The following ATP4B variants were observed in gnomAD, a reference collection of about 807,000 sequenced individuals.
The protein encoded by ATP4B is potassium-transporting ATPase subunit beta.
In ATP4B, 27 loss-of-function variants were observed where a neutral mutation model predicts 35.3. The observed-to-expected ratio is 0.76, with a 90% CI of 0.56 to 1.05. The LOEUF is 1.05. ATP4B is among the 50% of genes least tolerant of loss of function. The pLI is 0.00. For synonymous variants in ATP4B, 162 were observed against 156.0 expected (o/e 1.04, Z -0.29); for missense variants, 375 against 384.8 (o/e 0.97, Z 0.21).
In ATP4B at chr13:113,653,399, C is replaced by G; in HGVS notation, c.277G>C (p.Gly93Arg). Reference protein sequence around the residue: ...TLRPDVYGEKGLEIVYNVSDN... With the variant: ...TLRPDVYGEKRLEIVYNVSDN... ...GAGACGTTGTAGACAATTTCCAGGC[C>G]TTTCTCCCCGTAAACATCCGGCCTT... The change falls in exon 3 of 7, where the codon GGC (glycine) becomes CGC (arginine). Residue 93 changes from glycine (G) to arginine (R), a missense_variant. Gly to Arg is a moderately radical substitution (Grantham distance 125). Transcript: ENST00000335288. The G allele has an allele frequency of 1.2e-6, 2 of 1,614,228 alleles. No individual in the cohort carries two copies. The highest frequency in any genetic ancestry group is 2.2e-5 in the South Asian group (2 of 91,090).
rs1468144593 is a variant in ATP4B at position 113,658,044 on chromosome 13, AG to A, written c.100del (p.Leu34CysfsTer17). The A allele has an allele frequency of 6.2e-7, 1 of 1,603,056 alleles. No homozygotes were observed. On this transcript the variant is annotated frameshift_variant, in exon 1 of 7. Coordinates refer to ENST00000335288, the MANE Select transcript of ATP4B (RefSeq NM_000705.4). LOFTEE classifies it high-confidence loss of function. ...CCCCCCGCACGTACCCCACCGGGAC[AG>A]GGTGCGGCCCAGCATCTGCCCCGTG... Reference protein sequence around the residue: ...PDTGQMLGRTLSRWVWISLYY... With the variant: ...PDTGQMLGRTXSRWVWISLYY...
At position 113,650,507 on chromosome 13, in the gene ATP4B, C is replaced by A; in HGVS notation, c.613G>T (p.Asp205Tyr). ...SAPRVDCAFL[D>Y]QPRELGQPLQ... ...GGCTGGCCGAGCTCGCGGGGCTGGT[C>A]CTGGGGAGGAGAGGCCACTGCCTGA... Residue 205 changes from aspartate to tyrosine, a missense_variant and splice_region_variant, in exon 6 of 7, where the codon GAC (aspartate) becomes TAC (tyrosine). Asp to Tyr is a radical substitution (Grantham distance 160). Transcript: ENST00000335288. The surrounding 1 kb of genome is among the most constrained non-coding windows in gnomAD (Gnocchi z 5.0). 1.2e-6 allele frequency: 2 copies of A among 1,610,006 alleles called. No homozygotes were observed. Among genetic ancestry groups the A allele is most frequent in the South Asian group, 2.2e-5 (2 of 90,430 alleles).
Position 113,651,645 on chromosome 13 carries a change from C to T in ATP4B, c.612+26G>A, listed in dbSNP as rs756442964. On this transcript the variant is annotated intron_variant, in intron 5 of 6. Coordinates refer to ENST00000335288, the MANE Select transcript of ATP4B (RefSeq NM_000705.4). ...TGACAAGCTCCTTTCCTGGGGCAGC[C>T]CTGCCCGCCGCGCGGCCGTACTCAC... is the stretch of plus-strand genomic sequence containing the variant. 4 of 1,585,616 alleles carry T rather than the reference C, an allele frequency of 2.5e-6. No homozygotes were observed. The African/African-American group carries it at 4.0e-5, about 16-fold the overall frequency.
At chr13:113,655,009 T>C in intron 1 of ATP4B, 67 bp from the exon 2 acceptor site, 1 of 1,594,256 alleles carries the variant, frequency 6.3e-7, no homozygotes, top group Non-Finnish European at 8.6e-7. Flanking sequence ...TCGGTGGCCT[T>C]GAGCGCGTCC....
intron 1 of ATP4B, 68 bp from the exon 2 acceptor site, chr13:113,655,010 G>A (rs1409880161): frequency 1.3e-6 from 2 of 1,590,502 alleles, no homozygotes; most frequent in African/African-American, 2.7e-5. Context: ...CGGTGGCCTT[G>A]AGCGCGTCCG....
chr13:113,654,146 GGTCCC>G (rs1231534337), intron 2 of ATP4B, among the ~76,000 whole-genome samples: 4 of 152,292 alleles, frequency 2.6e-5, no homozygotes, highest in Non-Finnish European at 4.4e-5. Flanking sequence ...TTGCTTAGTT[GGTCCC>G]CTATGGATGC....
At chr13:113,652,250 G>A (rs972206934) in intron 4 of ATP4B, among the ~76,000 whole-genome samples, 5 of 152,228 alleles carry the variant, frequency 3.3e-5, no homozygotes, top group Non-Finnish European at 7.3e-5. Flanking sequence ...TGGGACCCCC[G>A]TCACAGCCCC....
In ATP4B at chr13:113,650,008, C is replaced by T. The variant is rs540202813; in HGVS notation, c.714+398G>A. 3.3e-5 allele frequency among the ~76,000 whole-genome samples: 5 copies of T among 152,046 alleles called. No individual in the cohort carries two copies. The highest frequency in any genetic ancestry group is 3.4e-3 in the Middle Eastern group (1 of 294). On this transcript the variant is annotated intron_variant, in intron 6 of 6. Coordinates refer to ENST00000335288, the MANE Select transcript of ATP4B (RefSeq NM_000705.4). This position sits in a 1 kb window ranked among gnomAD's most constrained non-coding sequence, Gnocchi z 5.0. The stretch of plus-strand genomic sequence containing the variant: ...TGAGACCCTTTCTCTATAAAAAATA[C>T]GAAAATTAGCTGGGCATGTTGGTGT...
intron 2 of ATP4B, 103 bp from the exon 3 acceptor site, chr13:113,653,537 C>G: frequency 1.1e-6 from 1 of 928,598 alleles, no homozygotes; most frequent in Non-Finnish European, 1.7e-6. Context: ...TGGCCCAACC[C>G]AGGAGCCTCC....
chr13:113,657,938 G>A lies in ATP4B; in HGVS notation c.112+95C>T, dbSNP rs899488939. 7.0e-5 allele frequency: 72 copies of A among 1,032,664 alleles called. 2 individuals carry two copies. The South Asian group carries it at 1.0e-3, about 15-fold the overall frequency. The allele number at this position is 1,032,664 out of a possible 1,614,324, so 64.0% of individuals were successfully genotyped here. A position where few individuals can be genotyped will look rare whatever the true frequency, so the allele number is the denominator to read the frequency against. On this transcript the variant is annotated intron_variant, in intron 1 of 6. Coordinates refer to ENST00000335288, the MANE Select transcript of ATP4B (RefSeq NM_000705.4). ...GGCAGCATCGGGGTCTCACTGTCAG[G>A]GGCCCTCTGCTCCCCTCCTCCTGAG... is the stretch of plus-strand genomic sequence containing the variant.
In ATP4B at chr13:113,649,053, G is replaced by A. The variant is rs577646030; in HGVS notation, c.*321C>T. 4 of 188,928 alleles carry A rather than the reference G, an allele frequency of 2.1e-5. No individual in the cohort carries two copies. Among genetic ancestry groups the A allele is most frequent in the African/African-American group, 9.4e-5 (4 of 42,386 alleles). 11.7% of individuals were successfully genotyped at this position (188,928 alleles called of 1,614,324 possible). ...TAGAAAAATAAATTATAGTAAGAAA[G>A]TGATGTCTACATAGAAGACGAATCG... On this transcript the variant is annotated 3_prime_UTR_variant, in exon 7 of 7. Coordinates refer to ENST00000335288, the MANE Select transcript of ATP4B (RefSeq NM_000705.4). This position sits in a 1 kb window ranked among gnomAD's most constrained non-coding sequence, Gnocchi z 4.7.
At chr13:113,653,218 T>TGCTTCACACCTCACCCACCCGCC (rs749093021) in intron 3 of ATP4B, 103 bp downstream of exon 3, 50 of 1,365,880 alleles carry the variant, frequency 3.7e-5, no homozygotes, top group African/African-American at 2.2e-4. Flanking sequence ...CCTCACCTGC[T>TGCTTCACACCTCACCCACCCGCC]GCTTCACACC....
chr13:113,655,159 C>T (rs576528060), intron 1 of ATP4B, among the ~76,000 whole-genome samples: 5 of 152,322 alleles, frequency 3.3e-5, no homozygotes, highest in East Asian at 1.9e-4. Flanking sequence ...TGGGTTTGCC[C>T]GTCTGGACGT....
rs1232707052 is a variant in ATP4B, at chr13:113,650,326, G to A, written c.714+80C>T. 6 of 1,324,998 alleles carry A rather than the reference G, an allele frequency of 4.5e-6. No individual in the cohort carries two copies. Among genetic ancestry groups the A allele is most frequent in the Non-Finnish European group, 6.5e-6 (6 of 924,802 alleles). The allele number at this position is 1,324,998 out of a possible 1,614,324, so 82.1% of individuals were successfully genotyped here. A position where few individuals can be genotyped will look rare whatever the true frequency, so the allele number is the denominator to read the frequency against. ...CCTTTGTTTCATTTTTCTACATGAA[G>A]GGGCTTATTGCTTTCCTTTCGCTAA... is the stretch of plus-strand genomic sequence containing the variant. On this transcript the variant is annotated intron_variant, in intron 6 of 6. Coordinates refer to ENST00000335288, the MANE Select transcript of ATP4B (RefSeq NM_000705.4). This position sits in a 1 kb window ranked among gnomAD's most constrained non-coding sequence, Gnocchi z 5.0.
rs2049697002 is a variant in ATP4B at position 113,649,667 on chromosome 13, CG to C, written c.715-133del. On this transcript the variant is annotated intron_variant, in intron 6 of 6. Coordinates refer to ENST00000335288, the MANE Select transcript of ATP4B (RefSeq NM_000705.4). This position sits in a 1 kb window ranked among gnomAD's most constrained non-coding sequence, Gnocchi z 4.7. ...TCTTTTGTGTAAGACTGGCCCTGAC[CG>C]AGTGCATGCCCTGGAATTTGCTGAG... The C allele has an allele frequency of 9.7e-7, 1 of 1,025,794 alleles. No homozygotes were observed. The highest frequency in any genetic ancestry group is 3.6e-5 in the Admixed American group (1 of 28,026). 63.5% of individuals were successfully genotyped at this position (1,025,794 alleles called of 1,614,324 possible). A position where few individuals can be genotyped will look rare whatever the true frequency, so the allele number is the denominator to read the frequency against.
At chr13:113,653,243 C>G (rs937164947) in intron 3 of ATP4B, 78 bp downstream of exon 3, 1 of 1,460,980 alleles carries the variant, frequency 6.8e-7, no homozygotes, top group African/African-American at 1.4e-5. Context: ...CCACCCGCCG[C>G]TTCACACCTC....
intron 1 of ATP4B, among the ~76,000 whole-genome samples, chr13:113,657,294 C>A (rs769326469): frequency 6.6e-5 from 10 of 152,352 alleles, no homozygotes; most frequent in South Asian, 2.1e-4. Flanking sequence ...AGTTCAGCCG[C>A]ATCCCGACGC....
chr13:113,654,911 G>A lies in ATP4B; in HGVS notation c.144C>T (p.Tyr48=), dbSNP rs11164142. 731,209 of 1,613,914 alleles carry A rather than the reference G, an allele frequency of 0.45. 170,173 individuals carry two copies. Among genetic ancestry groups the A allele is most frequent in the East Asian group, 0.65 (29,108 of 44,848 alleles). The change falls in exon 2 of 7, where the codon TAC becomes TAT. Residue 48 remains tyrosine, a synonymous_variant. Transcript: ENST00000335288. Reference sequence around the variant, plus strand: ...GGGCGAAGAGCCCAGTCATCACCACGTAGAAGGCCACGTAGTACAGGCTGA... The same window carrying A: ...GGGCGAAGAGCCCAGTCATCACCACATAGAAGGCCACGTAGTACAGGCTGA... The part of the protein sequence containing the change: ...VWISLYYVAF[Y]VVMTGLFALC...
intron 1 of ATP4B, 38 bp downstream of exon 1, chr13:113,657,995 C>G: frequency 6.6e-7 from 1 of 1,523,658 alleles, no homozygotes; most frequent in Non-Finnish European, 8.9e-7. Flanking sequence ...CAGAGCGGCC[C>G]CCTCCATGCA....
Sources: gnomAD v4.1 joint callset for allele counts (sites outside exome capture counted in the v4.1 genomes callset) on GRCh38, gnomAD v4.1.1 for gene constraint, Gnocchi (gnomAD v3.1) non-coding constraint, MANE v1.5 for transcripts, NCBI Gene and HGNC (gene_info 2026-07-23, HGNC 2026-07-21) for gene names.